Variants in OR10R2 observed in about 807,000 individuals in gnomAD.
OR10R2 encodes the protein olfactory receptor 10R2.
A neutral mutation model predicts 2.4 loss-of-function variants in OR10R2; 1 was observed. The ratio of observed to expected loss-of-function variants is 0.41; its 90% confidence interval spans 0.15 to 1.95. OR10R2 has a LOEUF of 1.95. OR10R2 is among the 30% of genes most tolerant of loss of function. The pLI, the probability that OR10R2 is intolerant of heterozygous loss-of-function variation, is 0.30. For synonymous variants in OR10R2, 166 were observed against 144.8 expected (o/e 1.15, Z -1.05); for missense variants, 419 against 373.0 (o/e 1.12, Z -1.01).
chr1:158,478,408 C>T (rs1487658760), intron 1 of OR10R2, among the ~76,000 whole-genome samples: 2 of 152,104 alleles, frequency 1.3e-5, no homozygotes, highest in East Asian at 3.9e-4. Context: ...GGTTTATGTG[C>T]AGTAATTAGA....
intron 1 of OR10R2, among the ~76,000 whole-genome samples, chr1:158,476,209 T>C (rs1656264043): frequency 6.6e-6 from 1 of 152,112 alleles, no homozygotes; most frequent in Non-Finnish European, 1.5e-5. Context: ...TACTGATCAA[T>C]GGTTTTGCTC....
At chr1:158,480,669 C>T (rs1339584203) in exon 2 of OR10R2, 1 of 1,613,882 alleles carries the variant, frequency 6.2e-7, no homozygotes, top group Non-Finnish European at 8.5e-7. Flanking sequence ...GCGCCTCTCA[C>T]CTCAGTGTTG....
intron 1 of OR10R2, among the ~76,000 whole-genome samples, chr1:158,478,162 G>A (rs530829895): frequency 6.4e-4 from 97 of 152,164 alleles, no homozygotes; most frequent in Non-Finnish European, 1.1e-3. Context: ...AACTCAAAGT[G>A]GATTAAAAAT....
At chr1:158,475,534 T>C (rs1656253838) in intron 1 of OR10R2, among the ~76,000 whole-genome samples, 1 of 151,944 alleles carries the variant, frequency 6.6e-6, no homozygotes, top group Admixed American at 6.6e-5. Context: ...GTTTGATGCA[T>C]TCTATTTCTA....
exon 2 of OR10R2, chr1:158,480,088 C>A: frequency 1.2e-6 from 2 of 1,613,790 alleles, no homozygotes; most frequent in South Asian, 2.2e-5. Flanking sequence ...TGTCATCCAC[C>A]TGGATAAAAG....
exon 2 of OR10R2, chr1:158,480,368 T>C: frequency 6.2e-7 from 1 of 1,614,138 alleles, no homozygotes; most frequent in South Asian, 1.1e-5. Flanking sequence ...TGTGGAAAAC[T>C]GGCAGCTGCC....
rs765078324 is a variant in OR10R2, at chr1:158,480,868, C to T, written c.958C>T (p.Leu320=). 125 of 1,415,258 alleles carry T rather than the reference C, an allele frequency of 8.8e-5. 2 individuals are homozygous for T. Among genetic ancestry groups the T allele is most frequent in the Middle Eastern group, 6.5e-4 (3 of 4,638 alleles). 87.7% of individuals were successfully genotyped at this position (1,415,258 alleles called of 1,614,324 possible). ...AAAAGTGTTGGGCAAGAAAGGTTCTCTAAAACTATATAATTGAAATATTAT... is the reference window on the plus strand; with the variant it reads ...AAAAGTGTTGGGCAAGAAAGGTTCTTTAAAACTATATAATTGAAATATTAT... Residue 320 remains leucine (L), a synonymous_variant, in exon 2 of 2, where the codon CTA becomes TTA. Transcript: ENST00000641067.
Position 158,480,114 on chromosome 1 carries a change from G to A in OR10R2, c.204G>A (p.Met68Ile), listed in dbSNP as rs775931951. The A allele has an allele frequency of 7.9e-5, 128 of 1,613,546 alleles. No homozygotes were observed. The highest frequency in any genetic ancestry group is 1.6e-4 in the Middle Eastern group (1 of 6,084). ...TGGATAAAAGCCTCCACACACCAAT[G>A]TACTTCTTCCTTGGCATTCTCTCAA... The change falls in exon 2 of 2, where the codon ATG becomes ATA. Residue 68 changes from methionine to isoleucine, a missense_variant. Transcript: ENST00000641067.
intron 1 of OR10R2, among the ~76,000 whole-genome samples, chr1:158,475,656 G>A (rs1656255707): frequency 6.6e-6 from 1 of 151,398 alleles, no homozygotes; most frequent in Non-Finnish European, 1.5e-5. Flanking sequence ...ATTTTTGGTA[G>A]TTTTCCATTT....
chr1:158,480,629 C>T, exon 2 of OR10R2: 1 of 1,613,960 alleles, frequency 6.2e-7, no homozygotes, highest in Non-Finnish European at 8.5e-7. Flanking sequence ...ATTCCCTCAG[C>T]TGAGGGCAGA....
At position 158,480,112 on chromosome 1, in the gene OR10R2, A is replaced by G. The variant is rs766166878; in HGVS notation, c.202A>G (p.Met68Val). 14 of 1,613,548 alleles carry G rather than the reference A, an allele frequency of 8.7e-6. No individual in the cohort carries two copies. The highest frequency in any genetic ancestry group is 1.1e-5 in the Non-Finnish European group (13 of 1,179,562). ...CCTGGATAAAAGCCTCCACACACCA[A>G]TGTACTTCTTCCTTGGCATTCTCTC... is the stretch of plus-strand genomic sequence containing the variant. The change falls in exon 2 of 2, where the codon ATG (methionine) becomes GTG (valine). Residue 68 changes from methionine (M) to valine (V), a missense_variant. Transcript: ENST00000641067.
At chr1:158,478,785 G>T (rs898678106) in intron 1 of OR10R2, among the ~76,000 whole-genome samples, 9 of 152,072 alleles carry the variant, frequency 5.9e-5, no homozygotes, top group Non-Finnish European at 1.0e-4. Flanking sequence ...TACTTATTCT[G>T]CATATAAATA....
exon 2 of OR10R2, chr1:158,480,105 C>A (rs750395777): frequency 6.2e-7 from 1 of 1,613,584 alleles, no homozygotes; most frequent in East Asian, 2.2e-5. Context: ...AAAGCCTCCA[C>A]ACACCAATGT....
chr1:158,480,057 T>A, exon 2 of OR10R2: 1 of 1,614,088 alleles, frequency 6.2e-7, no homozygotes, highest in Non-Finnish European at 8.5e-7. Context: ...TCATTCTTAG[T>A]GGCAATGTCA....
intron 1 of OR10R2, among the ~76,000 whole-genome samples, chr1:158,478,649 T>G (rs1180889324): frequency 6.6e-6 from 1 of 152,154 alleles, no homozygotes; most frequent in African/African-American, 2.4e-5. Flanking sequence ...TGTATCAGAA[T>G]TCAATGACTC....
chr1:158,473,936 T>C (rs1656218844), intron 1 of OR10R2, among the ~76,000 whole-genome samples: 1 of 135,690 alleles, frequency 7.4e-6, no homozygotes, highest in African/African-American at 2.7e-5. Flanking sequence ...TCCCTCTCCC[T>C]CCCTCCCCCT....
intron 1 of OR10R2, among the ~76,000 whole-genome samples, chr1:158,477,004 A>G (rs1440189820): frequency 6.6e-6 from 1 of 152,140 alleles, no homozygotes; most frequent in African/African-American, 2.4e-5. Context: ...TAGTTTGAAT[A>G]TTTTCTCCCA....
At chr1:158,474,219 G>A (rs947149237) in intron 1 of OR10R2, among the ~76,000 whole-genome samples, 1 of 151,942 alleles carries the variant, frequency 6.6e-6, no homozygotes, top group Non-Finnish European at 1.5e-5. Flanking sequence ...TCTCCTAGCT[G>A]TTCTCTGTGT....
intron 1 of OR10R2, among the ~76,000 whole-genome samples, chr1:158,474,102 G>A (rs1228155365): frequency 6.6e-6 from 1 of 151,862 alleles, no homozygotes; most frequent in Non-Finnish European, 1.5e-5. Context: ...TTCTGAGTAA[G>A]AAGGTACTTG....
Sources: gnomAD v4.1 joint callset for allele counts (sites outside exome capture counted in the v4.1 genomes callset) on GRCh38, gnomAD v4.1.1 for gene constraint, MANE v1.5 for transcripts, NCBI Gene and HGNC (gene_info 2026-07-23, HGNC 2026-07-21) for gene names.